The following ZNF407 variants were observed in gnomAD, a reference collection of about 807,000 sequenced individuals.
ZNF407 encodes zinc finger protein 407.
ZNF407 carries 17 observed loss-of-function variants against 131.2 expected under a neutral mutation model. The ratio of observed to expected loss-of-function variants is 0.13; its 90% CI spans 0.09 to 0.19. The LOEUF (loss-of-function observed/expected upper bound fraction) is 0.19, where lower values mean the gene tolerates loss of function less well. ZNF407 is among the 10% of genes least tolerant of loss of function. The pLI is 1.00. For missense variants in ZNF407, 2,681 were observed against 2,830.6 expected (o/e 0.95, Z 1.20); for synonymous variants, 1,156 against 1,062.0 (o/e 1.09, Z -1.72).
intron 8 of ZNF407, among the ~76,000 whole-genome samples, chr18:75,008,883 G>A (rs1032199543): frequency 6.6e-6 from 1 of 152,124 alleles, no homozygotes; most frequent in African/African-American, 2.4e-5. Context: ...TGCATCTAGT[G>A]AATAGTTCAT....
At chr18:74,718,586 TC>T (rs1204374786) in intron 3 of ZNF407, among the ~76,000 whole-genome samples, 1 of 152,102 alleles carries the variant, frequency 6.6e-6, no homozygotes, top group Non-Finnish European at 1.5e-5. Flanking sequence ...GGCCTTGACT[TC>T]CTGTGCTCAA....
intron 3 of ZNF407, among the ~76,000 whole-genome samples, chr18:74,722,465 T>A (rs1319712392): frequency 6.6e-6 from 1 of 152,208 alleles, no homozygotes; most frequent in African/African-American, 2.4e-5. Flanking sequence ...TGGCTGTGTG[T>A]CAGGATTTCC....
intron 1 of ZNF407, among the ~76,000 whole-genome samples, chr18:74,607,415 C>T (rs1157067384): frequency 6.6e-6 from 1 of 151,702 alleles, no homozygotes. Context: ...TTCCCTAGTA[C>T]TCGGATAATC....
chr18:74,749,174 C>T (rs887762095), intron 3 of ZNF407, among the ~76,000 whole-genome samples: 2 of 152,164 alleles, frequency 1.3e-5, no homozygotes, highest in South Asian at 2.1e-4. Flanking sequence ...TGCAAAATAG[C>T]TTCCATCTCA....
chr18:74,816,486 T>A (rs1010575326), intron 4 of ZNF407, among the ~76,000 whole-genome samples: 1 of 152,220 alleles, frequency 6.6e-6, no homozygotes, highest in Non-Finnish European at 1.5e-5. Context: ...TTTCTATAAA[T>A]GCATTTAAAA....
chr18:74,621,582 A>C (rs1983512426), intron 1 of ZNF407, among the ~76,000 whole-genome samples: 1 of 152,076 alleles, frequency 6.6e-6, no homozygotes, highest in Non-Finnish European at 1.5e-5. Context: ...ACAGCTGCTT[A>C]AATGTCCCTG....
chr18:75,054,238 T>A (rs1477235173), intron 8 of ZNF407, among the ~76,000 whole-genome samples: 2 of 152,264 alleles, frequency 1.3e-5, no homozygotes, highest in African/African-American at 4.8e-5. Flanking sequence ...TGCTGATCAT[T>A]AAAATACTAA....
At chr18:75,015,035 C>T (rs1174558100) in intron 8 of ZNF407, among the ~76,000 whole-genome samples, 1 of 152,030 alleles carries the variant, frequency 6.6e-6, no homozygotes, top group African/African-American at 2.4e-5. Flanking sequence ...CATTCCTTTC[C>T]CCACCGCCAT....
intron 3 of ZNF407, among the ~76,000 whole-genome samples, chr18:74,690,558 G>A (rs774533740): frequency 2.4e-4 from 37 of 151,996 alleles, no homozygotes; most frequent in Non-Finnish European, 4.9e-4. Flanking sequence ...CAGAAAGAAT[G>A]TTAGGACAGG....
intron 3 of ZNF407, among the ~76,000 whole-genome samples, chr18:74,710,016 CTGTT>C (rs1484465914): frequency 4.6e-5 from 7 of 152,128 alleles, no homozygotes; most frequent in South Asian, 2.1e-4. Flanking sequence ...AAAAAAATGT[CTGTT>C]TGTGACTTCT....
At chr18:75,004,542 G>A (rs1972885200) in intron 8 of ZNF407, among the ~76,000 whole-genome samples, 1 of 152,046 alleles carries the variant, frequency 6.6e-6, no homozygotes, top group African/African-American at 2.4e-5. Context: ...GCAGAGCCAG[G>A]GTCACTCAGC....
chr18:74,905,472 C>T (rs1286646155), intron 7 of ZNF407: 3 of 152,278 alleles, frequency 2.0e-5, no homozygotes, highest in Admixed American at 2.0e-4. Flanking sequence ...CATGTGGACA[C>T]CTGGACAGCC....
chr18:74,714,539 C>T (rs890248483), intron 3 of ZNF407, among the ~76,000 whole-genome samples: 2 of 152,070 alleles, frequency 1.3e-5, no homozygotes, highest in Non-Finnish European at 1.5e-5. Context: ...TTTTGATTTT[C>T]CTGGTACTTG....
At chr18:74,756,928 G>C (rs1014115786) in intron 3 of ZNF407, among the ~76,000 whole-genome samples, 4 of 151,986 alleles carry the variant, frequency 2.6e-5, no homozygotes, top group Non-Finnish European at 4.4e-5. Flanking sequence ...ACCTTTGTAA[G>C]GTTAGTAGTA....
At chr18:74,669,514 A>G (rs1050177379) in intron 3 of ZNF407, among the ~76,000 whole-genome samples, 1 of 152,090 alleles carries the variant, frequency 6.6e-6, no homozygotes, top group African/African-American at 2.4e-5. Flanking sequence ...TTTTGGGGGC[A>G]TCCAGTGTAG....
chr18:74,925,138 T>A (rs1426734475), intron 8 of ZNF407, among the ~76,000 whole-genome samples: 2 of 152,244 alleles, frequency 1.3e-5, no homozygotes, highest in Non-Finnish European at 2.9e-5. Context: ...TCTACCCTCA[T>A]ACTTTTGTAT....
At chr18:74,992,550 G>A (rs1389397222) in intron 8 of ZNF407, among the ~76,000 whole-genome samples, 1 of 152,224 alleles carries the variant, frequency 6.6e-6, no homozygotes, top group African/African-American at 2.4e-5. Context: ...CATTTCCATG[G>A]TGAGCTGAGG....
intron 3 of ZNF407, among the ~76,000 whole-genome samples, chr18:74,755,728 C>CCTTTCTTTTTCTTTCTTT (rs1555684066): frequency 1.6e-5 from 1 of 63,468 alleles, no homozygotes; most frequent in Non-Finnish European, 2.8e-5. Flanking sequence ...TTCTTTCTTT[C>CCTTTCTTTTTCTTTCTTT]CTTTCTTTCT....
At chr18:74,762,995 A>G (rs1969131525) in intron 3 of ZNF407, among the ~76,000 whole-genome samples, 1 of 152,032 alleles carries the variant, frequency 6.6e-6, no homozygotes. Flanking sequence ...GGATAGCTGT[A>G]TGTTTAAGGT....
Sources: allele counts gnomAD v4.1 joint callset (sites outside exome capture counted in the v4.1 genomes callset), GRCh38; gene constraint gnomAD v4.1.1; transcripts MANE v1.5; gene names NCBI Gene and HGNC (gene_info 2026-07-23, HGNC 2026-07-21).